The following RPRD2 variants were observed in gnomAD, a reference collection of about 807,000 sequenced individuals.
The protein encoded by RPRD2 is regulation of nuclear pre-mRNA domain containing 2, also known as regulation of nuclear pre-mRNA domain-containing protein 2.
A neutral mutation model predicts 104.4 loss-of-function variants in RPRD2; 12 were observed. That is an observed-to-expected ratio of 0.11 (90% CI 0.07 to 0.19). RPRD2 has a LOEUF of 0.19. Ranked by LOEUF, RPRD2 falls within the 10% of genes least tolerant of loss-of-function variation. RPRD2 has a pLI of 1.00. For missense variants in RPRD2, 1,543 were observed against 1,790.1 expected, an observed-to-expected ratio of 0.86 and a Z score of 2.49; for synonymous variants, 714 against 684.9, an observed-to-expected ratio of 1.04 and a Z score of -0.66.
intron 1 of RPRD2, among the ~76,000 whole-genome samples, chr1:150,414,324 G>A (rs911576392): frequency 6.6e-6 from 1 of 152,158 alleles, no homozygotes; most frequent in Non-Finnish European, 1.5e-5. Context: ...AATCCTGTAA[G>A]GTTGTCATTT....
At position 150,472,549 on chromosome 1, in the gene RPRD2, C is replaced by T. The variant is rs2102449107; in HGVS notation, c.3601C>T (p.His1201Tyr). 1 of 1,613,964 alleles carries T rather than the reference C, an allele frequency of 6.2e-7. No homozygotes were observed. Among genetic ancestry groups the T allele is most frequent in the East Asian group, 2.2e-5 (1 of 44,878 alleles). ...TCATCTTCCCCCATCCCCCTTGGAACATGGGACACCCTTCCAGAGAGAGCC... is the reference window on the plus strand; with the variant it reads ...TCATCTTCCCCCATCCCCCTTGGAATATGGGACACCCTTCCAGAGAGAGCC... ...EHHLPPSPLE[H>Y]GTPFQREPVG... Residue 1201 changes from histidine (H) to tyrosine (Y), a missense_variant, in exon 11 of 11, where the codon CAT becomes TAT. Transcript: ENST00000369068.
At chr1:150,385,877 C>G in intron 1 of RPRD2, among the ~76,000 whole-genome samples, 1 of 152,080 alleles carries the variant, frequency 6.6e-6, no homozygotes. Flanking sequence ...TTATAGAGGG[C>G]TTTTTTCCCC....
At chr1:150,446,981 C>T (rs782738258) in intron 7 of RPRD2, among the ~76,000 whole-genome samples, 44 of 152,058 alleles carry the variant, frequency 2.9e-4, no homozygotes, top group Admixed American at 5.2e-4. Context: ...GGATTACAGG[C>T]ATGCACCACC....
intron 1 of RPRD2, among the ~76,000 whole-genome samples, chr1:150,368,912 T>C (rs1022661977): frequency 3.3e-5 from 5 of 152,170 alleles, no homozygotes; most frequent in African/African-American, 9.7e-5. Context: ...CCGGCTTCGC[T>C]TTATTTCAAG....
rs587759157 is a variant in RPRD2, at chr1:150,399,837, C to T, written c.206-17759C>T. ...GCTTGTATGGAAATCAGGTAGTATG[C>T]ATCTTCTAACAAAATTTTCAAAACT... On this transcript the variant is annotated intron_variant, in intron 1 of 10. Transcript: ENST00000369068. Among the ~76,000 whole-genome samples, 3 of 151,766 alleles carry T rather than the reference C, an allele frequency of 2.0e-5. No homozygotes were observed. The South Asian group carries it at 6.2e-4, about 32-fold the overall frequency.
chr1:150,403,577 T>C (rs1663230564), intron 1 of RPRD2, among the ~76,000 whole-genome samples: 1 of 152,222 alleles, frequency 6.6e-6, no homozygotes, highest in Non-Finnish European at 1.5e-5. Context: ...TCATCCATAT[T>C]ATGGCGTACG....
chr1:150,410,930 G>T (rs1240411131), intron 1 of RPRD2, among the ~76,000 whole-genome samples: 1 of 152,162 alleles, frequency 6.6e-6, no homozygotes, highest in Non-Finnish European at 1.5e-5. Context: ...TGGGGCGATT[G>T]TGGCTCATTG....
intron 1 of RPRD2, among the ~76,000 whole-genome samples, chr1:150,380,477 A>C (rs1246426781): frequency 6.6e-6 from 1 of 151,474 alleles, no homozygotes; most frequent in African/African-American, 2.4e-5. Context: ...CCTCTGAAGT[A>C]GCTGGGATTA....
intron 2 of RPRD2, among the ~76,000 whole-genome samples, chr1:150,437,467 GTT>G (rs1166824735): frequency 1.3e-5 from 2 of 152,064 alleles, no homozygotes; most frequent in Non-Finnish European, 2.9e-5. Flanking sequence ...ATTGTTAAGA[GTT>G]TTTTAGCTAT....
intron 1 of RPRD2, among the ~76,000 whole-genome samples, chr1:150,371,235 C>CT (rs1236253476): frequency 6.6e-6 from 1 of 152,234 alleles, no homozygotes; most frequent in Non-Finnish European, 1.5e-5. Flanking sequence ...TAAGTGCTTA[C>CT]TATATGCCAG....
At chr1:150,433,825 A>ATAATATATAAAATATGTATAATATATG (rs376432383) in intron 2 of RPRD2, among the ~76,000 whole-genome samples, 1 of 142,690 alleles carries the variant, frequency 7.0e-6, no homozygotes. Flanking sequence ...TATATGTAAT[A>ATAATATATAAAATATGTATAATATATG]TAATATACAT....
rs1667853502 is a variant in RPRD2, at chr1:150,460,451, A to T, written c.1411+134A>T. 5.4e-6 allele frequency: 5 copies of T among 919,774 alleles called. No individual in the cohort carries two copies. The East Asian group carries it at 1.1e-4, about 20-fold the overall frequency. The allele number at this position is 919,774 out of a possible 1,614,324, so 57.0% of individuals were successfully genotyped here. ...CAGAGTTTCGCTCTGTCTCCCAGGCAGGAGTGCAGTGGTGCAATCTTGGCT... is the reference window on the plus strand; with the variant it reads ...CAGAGTTTCGCTCTGTCTCCCAGGCTGGAGTGCAGTGGTGCAATCTTGGCT... On this transcript the variant is annotated intron_variant, in intron 9 of 10. Coordinates refer to ENST00000369068, the MANE Select transcript of RPRD2 (RefSeq NM_015203.5).
intron 1 of RPRD2, among the ~76,000 whole-genome samples, chr1:150,384,495 G>A (rs188503355): frequency 6.9e-5 from 9 of 131,372 alleles, no homozygotes; most frequent in Admixed American, 6.8e-4. Flanking sequence ...TTATTATTAG[G>A]GATGGAGCTC....
intron 1 of RPRD2, among the ~76,000 whole-genome samples, chr1:150,388,384 G>GTATATACGTGTA (rs1560159377): frequency 1.9e-4 from 28 of 145,660 alleles, no homozygotes; most frequent in Admixed American, 9.0e-4. Context: ...ACATATACAC[G>GTATATACGTGTA]TATACACATG....
chr1:150,402,649 C>T (rs1258625202), intron 1 of RPRD2, among the ~76,000 whole-genome samples: 4 of 151,778 alleles, frequency 2.6e-5, no homozygotes, highest in African/African-American at 9.7e-5. Flanking sequence ...ACACTCCAGC[C>T]TAGGCAACAA....
chr1:150,404,838 T>A (rs1663342172), intron 1 of RPRD2, among the ~76,000 whole-genome samples: 1 of 152,210 alleles, frequency 6.6e-6, no homozygotes, highest in South Asian at 2.1e-4. Flanking sequence ...TCAGTCTGGT[T>A]TTAGACCTCA....
At chr1:150,433,842 T>TATAATATATGTAATATACATAA (rs1560198877) in intron 2 of RPRD2, among the ~76,000 whole-genome samples, 1 of 146,038 alleles carries the variant, frequency 6.8e-6, no homozygotes, top group African/African-American at 2.5e-5. Context: ...ACATAATATG[T>TATAATATATGTAATATACATAA]TATATATATG....
intron 2 of RPRD2, among the ~76,000 whole-genome samples, chr1:150,423,375 G>A (rs926932312): frequency 2.0e-5 from 3 of 152,108 alleles, no homozygotes; most frequent in Non-Finnish European, 4.4e-5. Flanking sequence ...TGTAAGAGTA[G>A]GTATATCTTT....
In RPRD2 at chr1:150,402,215, C is replaced by T. The variant is rs374184959; in HGVS notation, c.206-15381C>T. On this transcript the variant is annotated intron_variant, in intron 1 of 10. Coordinates refer to ENST00000369068, the MANE Select transcript of RPRD2 (RefSeq NM_015203.5). ...CCTTGTGATCCACTGGCCTCGGCCTCTGAAAGTGCTGGGATTACAGGCCTT... is the reference window on the plus strand; with the variant it reads ...CCTTGTGATCCACTGGCCTCGGCCTTTGAAAGTGCTGGGATTACAGGCCTT... Among the ~76,000 whole-genome samples, 96 of 152,268 alleles carry T rather than the reference C, an allele frequency of 6.3e-4. 1 individual carries two copies. The East Asian group carries it at 0.018, about 29-fold the overall frequency.
Sources: gnomAD v4.1 joint callset for allele counts (sites outside exome capture counted in the v4.1 genomes callset) on GRCh38, gnomAD v4.1.1 for gene constraint, MANE v1.5 for transcripts, NCBI Gene and HGNC (gene_info 2026-07-23, HGNC 2026-07-21) for gene names.